The following LINGO2 variants were observed in gnomAD, a reference collection of about 807,000 sequenced individuals.
LINGO2 encodes the protein leucine-rich repeat and immunoglobulin-like domain-containing nogo receptor-interacting protein 2.
Under a neutral mutation model 30.6 loss-of-function variants are expected in LINGO2, and 14 were observed. The ratio of observed to expected loss-of-function variants is 0.46; its 90% CI spans 0.30 to 0.72. The LOEUF (loss-of-function observed/expected upper bound fraction) is 0.72, where lower values mean the gene tolerates loss of function less well. Among genes scored for constraint, LINGO2 ranks in the 30% least tolerant of loss-of-function variants. The probability of loss-of-function intolerance (pLI) is 0.07; values close to 1 mark genes in which losing one functional copy is unlikely to be tolerated. For synonymous variants in LINGO2, 317 were observed against 288.5 expected, an observed-to-expected ratio of 1.10 and a Z score of -1.00; for missense variants, 729 against 751.7, an observed-to-expected ratio of 0.97 and a Z score of 0.35.
intron 5 of LINGO2, among the ~76,000 whole-genome samples, chr9:28,002,401 A>T (rs1301461187): frequency 6.6e-6 from 1 of 152,154 alleles, no homozygotes; most frequent in African/African-American, 2.4e-5. Flanking sequence ...TAATAGTGCC[A>T]ATTTATTTAT....
intron 4 of LINGO2, among the ~76,000 whole-genome samples, chr9:28,058,348 A>G (rs1825024996): frequency 6.6e-6 from 1 of 152,186 alleles, no homozygotes; most frequent in East Asian, 1.9e-4. Flanking sequence ...TCATGGATAT[A>G]CAACATGCTC....
chr9:28,204,009 A>G (rs1406313248), intron 4 of LINGO2, among the ~76,000 whole-genome samples: 1 of 152,156 alleles, frequency 6.6e-6, no homozygotes, highest in Admixed American at 6.5e-5. Flanking sequence ...AGTATATACA[A>G]TCTTTTCAAA....
the LINGO2 span, among the ~76,000 whole-genome samples, chr9:28,749,500 G>T: frequency 1.3e-5 from 2 of 152,056 alleles, no homozygotes; most frequent in Middle Eastern, 6.8e-3. Context: ...TCATTTATAA[G>T]TCAAATTGTC....
At chr9:28,704,583 T>C in the LINGO2 span, among the ~76,000 whole-genome samples, 2 of 152,206 alleles carry the variant, frequency 1.3e-5, no homozygotes, top group Admixed American at 1.3e-4. Flanking sequence ...TTGGGTATTC[T>C]GTATTTTTTT....
intron 1 of LINGO2, among the ~76,000 whole-genome samples, chr9:28,583,868 G>A (rs2135669322): frequency 6.6e-6 from 1 of 152,082 alleles, no homozygotes; most frequent in Non-Finnish European, 1.5e-5. Flanking sequence ...AACTTTAAAA[G>A]GTTATTAGGT....
the LINGO2 span, among the ~76,000 whole-genome samples, chr9:29,142,101 C>T: frequency 6.6e-6 from 1 of 151,814 alleles, no homozygotes; most frequent in Non-Finnish European, 1.5e-5. Context: ...CAGCAGAATA[C>T]ACATTTTTCT....
At chr9:28,758,193 T>C in the LINGO2 span, among the ~76,000 whole-genome samples, 1 of 152,102 alleles carries the variant, frequency 6.6e-6, no homozygotes, top group African/African-American at 2.4e-5. Context: ...CCACAGATAC[T>C]TTCTCATGTA....
At chr9:28,280,503 T>C (rs1217440444) in intron 4 of LINGO2, among the ~76,000 whole-genome samples, 1 of 152,188 alleles carries the variant, frequency 6.6e-6, no homozygotes, top group Admixed American at 6.5e-5. Flanking sequence ...TATGAAGTTA[T>C]TGGATCATAT....
At chr9:28,479,910 GGTATATATATATATATATAT>G (rs1305948490) in intron 1 of LINGO2, among the ~76,000 whole-genome samples, 1 of 17,236 alleles carries the variant, frequency 5.8e-5, no homozygotes, top group African/African-American at 1.6e-4. Flanking sequence ...TATATACGTA[GGTATATATATATATATATAT>G]ATATATATAT....
At chr9:28,701,706 A>C in the LINGO2 span, among the ~76,000 whole-genome samples, 1 of 151,908 alleles carries the variant, frequency 6.6e-6, no homozygotes, top group African/African-American at 2.4e-5. Flanking sequence ...CTGGGATTGC[A>C]TCAGATCTAT....
the LINGO2 span, among the ~76,000 whole-genome samples, chr9:28,883,334 G>A: frequency 6.6e-6 from 1 of 151,742 alleles, no homozygotes; most frequent in Admixed American, 6.6e-5. Context: ...CACTGTGCCC[G>A]GCCTAGTCTT....
chr9:28,409,620 G>GT (rs1054547963), intron 2 of LINGO2, among the ~76,000 whole-genome samples: 2 of 146,210 alleles, frequency 1.4e-5, no homozygotes, highest in African/African-American at 5.1e-5. Context: ...GATGTGCAGG[G>GT]GTGTGTGTGT....
intron 4 of LINGO2, among the ~76,000 whole-genome samples, chr9:28,066,971 A>G (rs536250293): frequency 6.6e-6 from 1 of 151,788 alleles, no homozygotes; most frequent in Non-Finnish European, 1.5e-5. Flanking sequence ...AAAATTCTAC[A>G]CCTCCTCACC....
At position 28,147,632 on chromosome 9, in the gene LINGO2, A is replaced by G. The variant is rs570565479; in HGVS notation, c.-86-135227T>C. On this transcript the variant is annotated intron_variant, in intron 4 of 5. Transcript: ENST00000379992. The surrounding 1 kb of genome is among the most constrained non-coding windows in gnomAD (Gnocchi z 4.7). ...ACAGGGCCACTGGGTGCCAGCCAGC[A>G]CCTGGGCGAGGTGCCAGGTGGAAGG... 1.1e-3 allele frequency among the ~76,000 whole-genome samples: 162 copies of G among 152,184 alleles called. 3 individuals carry two copies. The highest frequency in any genetic ancestry group is 3.6e-3 in the African/African-American group (151 of 41,538).
At chr9:28,416,455 C>T (rs1346697111) in intron 2 of LINGO2, among the ~76,000 whole-genome samples, 2 of 152,090 alleles carry the variant, frequency 1.3e-5, no homozygotes, top group Non-Finnish European at 2.9e-5. Context: ...GTGTCATCAC[C>T]TCACTATCAC....
chr9:28,864,164 C>A, the LINGO2 span, among the ~76,000 whole-genome samples: 1 of 152,080 alleles, frequency 6.6e-6, no homozygotes, highest in African/African-American at 2.4e-5. Context: ...ACTTTATACT[C>A]ATATAATCTC....
intron 1 of LINGO2, among the ~76,000 whole-genome samples, chr9:28,596,915 C>T (rs1050563735): frequency 1.3e-5 from 2 of 152,076 alleles, no homozygotes; most frequent in Non-Finnish European, 2.9e-5. Context: ...AAGCCAGGCT[C>T]CAGTGCGGGT....
At chr9:29,192,816 G>A in the LINGO2 span, among the ~76,000 whole-genome samples, 6 of 152,204 alleles carry the variant, frequency 3.9e-5, no homozygotes, top group Non-Finnish European at 7.3e-5. Context: ...ATAGTCCCAT[G>A]GTTCTGCAGT....
the LINGO2 span, among the ~76,000 whole-genome samples, chr9:28,847,845 CAT>C: frequency 9.3e-6 from 1 of 107,974 alleles, no homozygotes; most frequent in Non-Finnish European, 1.8e-5. Flanking sequence ...TATATATACA[CAT>C]ATATGTATAT....
Sources: gnomAD v4.1 joint callset for allele counts (sites outside exome capture counted in the v4.1 genomes callset) on GRCh38, gnomAD v4.1.1 for gene constraint, Gnocchi (gnomAD v3.1) non-coding constraint, MANE v1.5 for transcripts, NCBI Gene and HGNC (gene_info 2026-07-23, HGNC 2026-07-21) for gene names.